BMPR1B: variants seen among roughly 807,000 people sequenced by gnomAD.
BMPR1B encodes the protein bone morphogenetic protein receptor type 1B.
Under a neutral mutation model 59.1 loss-of-function variants are expected in BMPR1B, and 12 were observed. The ratio of observed to expected loss-of-function variants is 0.20; its 90% CI spans 0.13 to 0.33. The LOEUF is 0.33. Ranked by LOEUF, BMPR1B falls within the 10% of genes least tolerant of loss-of-function variation. The probability of loss-of-function intolerance (pLI) is 1.00; values close to 1 mark genes in which losing one functional copy is unlikely to be tolerated. For synonymous variants in BMPR1B, 237 were observed against 207.3 expected, an observed-to-expected ratio of 1.14 and a Z score of -1.23; for missense variants, 550 against 610.9, an observed-to-expected ratio of 0.90 and a Z score of 1.05.
At chr4:94,830,820 TACTC>T (rs1003460042) in intron 1 of BMPR1B, among the ~76,000 whole-genome samples, 3 of 152,282 alleles carry the variant, frequency 2.0e-5, no homozygotes, top group Admixed American at 2.0e-4. Flanking sequence ...CACGACACGT[TACTC>T]ACCTGTTCAT....
intron 1 of BMPR1B, among the ~76,000 whole-genome samples, chr4:94,802,495 A>G (rs902525072): frequency 3.3e-5 from 5 of 152,192 alleles, no homozygotes; most frequent in African/African-American, 1.2e-4. Context: ...AAAATAGAGA[A>G]GGCGTTGTGG....
At position 95,131,695 on chromosome 4, in the gene BMPR1B, A is replaced by G. The variant is rs557290272; in HGVS notation, c.1076+183A>G. On this transcript the variant is annotated intron_variant, in intron 10 of 12. Transcript: ENST00000515059. ...TATTTGGGTCTGTTCTATTGTTTCT[A>G]TGCTCATCAGAGACATTGCTTAGAG... Among the ~76,000 whole-genome samples, 290 of 152,304 alleles carry G rather than the reference A, an allele frequency of 1.9e-3. 2 individuals carry two copies. The highest frequency in any genetic ancestry group is 2.2e-3 in the Non-Finnish European group (151 of 68,032).
At chr4:95,030,735 CAGAG>C (rs1173442560) in intron 3 of BMPR1B, among the ~76,000 whole-genome samples, 1 of 152,100 alleles carries the variant, frequency 6.6e-6, no homozygotes, top group African/African-American at 2.4e-5. Context: ...AACAGACAAA[CAGAG>C]AGCCAAATAA....
At position 95,035,235 on chromosome 4, in the gene BMPR1B, TTACTC is replaced by T. The variant is rs559832182; in HGVS notation, c.-18+39106_-18+39110del. ...TTCTCCCACACTGTGGGATATCTGT[TTACTC>T]TACTGATTATTTCTTTTGCTTTGCA... On this transcript the variant is annotated intron_variant, in intron 3 of 12. Coordinates refer to ENST00000515059, the MANE Select transcript of BMPR1B (RefSeq NM_001203.3). Among the ~76,000 whole-genome samples, 419 of 152,342 alleles carry T rather than the reference TTACTC, an allele frequency of 2.8e-3. 1 individual carries two copies. The highest frequency in any genetic ancestry group is 9.6e-3 in the African/African-American group (400 of 41,584).
At chr4:94,898,747 A>G (rs1727685326) in intron 2 of BMPR1B, among the ~76,000 whole-genome samples, 1 of 152,028 alleles carries the variant, frequency 6.6e-6, no homozygotes, top group Non-Finnish European at 1.5e-5. Context: ...GGTTCTTTCA[A>G]AAATACTTCT....
At chr4:95,142,184 T>C (rs1734279712) in intron 10 of BMPR1B, among the ~76,000 whole-genome samples, 2 of 152,316 alleles carry the variant, frequency 1.3e-5, no homozygotes, top group South Asian at 2.1e-4. Context: ...ACTCCCCTTA[T>C]TGGTGAACAT....
chr4:94,930,291 G>A (rs1729050225), intron 2 of BMPR1B, among the ~76,000 whole-genome samples: 1 of 151,994 alleles, frequency 6.6e-6, no homozygotes, highest in African/African-American at 2.4e-5. Context: ...AGATCTTCTG[G>A]TTGCATATGT....
chr4:95,057,449 G>A lies in BMPR1B; in HGVS notation c.-17-46959G>A, dbSNP rs1420049803. On this transcript the variant is annotated intron_variant, in intron 3 of 12. Transcript: ENST00000515059. ...TTTAGTAGAGACGGGGTTTCACCAT[G>A]TTGGCCAGGTTGGTCTCAATCTCTT... 3.9e-5 allele frequency among the ~76,000 whole-genome samples: 6 copies of A among 152,072 alleles called. No individual in the cohort carries two copies. The South Asian group carries it at 8.3e-4, about 21-fold the overall frequency.
chr4:94,955,127 T>C (rs1444928), intron 2 of BMPR1B, among the ~76,000 whole-genome samples: 82,664 of 152,026 alleles, frequency 0.54, 23,228 homozygotes, highest in African/African-American at 0.66. Flanking sequence ...AAAGTGGGAA[T>C]GTGATCAGTA....
chr4:94,818,807 A>T (rs1201141335), intron 1 of BMPR1B, among the ~76,000 whole-genome samples: 3 of 152,080 alleles, frequency 2.0e-5, no homozygotes, highest in Non-Finnish European at 2.9e-5. Context: ...GAATTAGTGG[A>T]TGTATAGAAA....
At chr4:94,933,944 G>A (rs1025545510) in intron 2 of BMPR1B, among the ~76,000 whole-genome samples, 4 of 152,100 alleles carry the variant, frequency 2.6e-5, no homozygotes, top group Non-Finnish European at 4.4e-5. Flanking sequence ...ATTCCGTTGC[G>A]TTGTATGACA....
intron 3 of BMPR1B, among the ~76,000 whole-genome samples, chr4:95,061,209 A>AC (rs377202097): frequency 7.6e-6 from 1 of 131,920 alleles, no homozygotes. Flanking sequence ...ACACACACAC[A>AC]CCACACACCC....
intron 1 of BMPR1B, among the ~76,000 whole-genome samples, chr4:94,803,744 ATTTC>A (rs1723497639): frequency 6.6e-6 from 1 of 152,002 alleles, no homozygotes; most frequent in Non-Finnish European, 1.5e-5. Context: ...GAAGTTGAAT[ATTTC>A]TTCTTTCTTG....
intron 2 of BMPR1B, among the ~76,000 whole-genome samples, chr4:94,979,457 A>C (rs1003128966): frequency 1.3e-5 from 2 of 152,244 alleles, no homozygotes; most frequent in African/African-American, 4.8e-5. Flanking sequence ...TGGCAAAGCC[A>C]AAATTATGAC....
chr4:95,113,029 A>G (rs1322645677), intron 4 of BMPR1B, among the ~76,000 whole-genome samples: 1 of 152,136 alleles, frequency 6.6e-6, no homozygotes, highest in Non-Finnish European at 1.5e-5. Context: ...TAGATGAGAA[A>G]TGTAAGTTAT....
intron 2 of BMPR1B, among the ~76,000 whole-genome samples, chr4:94,936,239 A>G (rs1729290918): frequency 6.6e-6 from 1 of 152,172 alleles, no homozygotes; most frequent in Non-Finnish European, 1.5e-5. Flanking sequence ...AAATCATAAA[A>G]TGATTTTTTA....
chr4:95,023,018 G>T (rs1284718614), intron 3 of BMPR1B, among the ~76,000 whole-genome samples: 1 of 151,994 alleles, frequency 6.6e-6, no homozygotes, highest in Non-Finnish European at 1.5e-5. Flanking sequence ...ACTTCAGATG[G>T]TTTCTTTATT....
At chr4:95,042,713 T>C (rs1725745088) in intron 3 of BMPR1B, among the ~76,000 whole-genome samples, 1 of 152,180 alleles carries the variant, frequency 6.6e-6, no homozygotes, top group East Asian at 1.9e-4. Flanking sequence ...GTCATCATGA[T>C]CCTAGCTGTC....
At chr4:95,153,282 G>T (rs948994338) in intron 12 of BMPR1B, among the ~76,000 whole-genome samples, 11 of 152,130 alleles carry the variant, frequency 7.2e-5, no homozygotes, top group African/African-American at 2.7e-4. Context: ...TGGCTCTAAG[G>T]CTGTAGTGGT....
Sources: gnomAD v4.1 joint callset for allele counts (sites outside exome capture counted in the v4.1 genomes callset) on GRCh38, gnomAD v4.1.1 for gene constraint, MANE v1.5 for transcripts, NCBI Gene and HGNC (gene_info 2026-07-23, HGNC 2026-07-21) for gene names.